Variants in DEPTOR observed in about 807,000 individuals in gnomAD.
DEPTOR encodes the protein DEP domain-containing mTOR-interacting protein.
Under a neutral mutation model 41.6 loss-of-function variants are expected in DEPTOR, and 41 were observed. That is an observed-to-expected ratio of 0.98 (90% CI 0.77 to 1.28). The LOEUF (loss-of-function observed/expected upper bound fraction) is 1.28, where lower values mean the gene tolerates loss of function less well. DEPTOR is among the 50% of genes most tolerant of loss of function. The pLI, the probability that DEPTOR is intolerant of heterozygous loss-of-function variation, is 0.00. For missense variants in DEPTOR, 514 were observed against 527.9 expected, an observed-to-expected ratio of 0.97 and a Z score of 0.26; for synonymous variants, 195 against 192.3, an observed-to-expected ratio of 1.01 and a Z score of -0.12.
chr8:119,962,572 G>A (rs1005767244), intron 3 of DEPTOR, among the ~76,000 whole-genome samples: 2 of 152,140 alleles, frequency 1.3e-5, no homozygotes, highest in Non-Finnish European at 2.9e-5. Context: ...ATACTTTATA[G>A]GCTATGTGAA....
intron 1 of DEPTOR, 127 bp from the exon 2 acceptor site, chr8:119,928,273 G>C (rs548616077): frequency 5.1e-6 from 5 of 987,890 alleles, no homozygotes; most frequent in Non-Finnish European, 7.3e-6. Flanking sequence ...ATCACCAAGC[G>C]AGCTAAAGAT....
At chr8:119,944,013 A>AT (rs912574256) in intron 3 of DEPTOR, among the ~76,000 whole-genome samples, 9 of 151,034 alleles carry the variant, frequency 6.0e-5, no homozygotes, top group Admixed American at 1.3e-4. Flanking sequence ...AATTTTTTGT[A>AT]TTTTTTTTAG....
At chr8:119,945,792 A>G (rs1339958921) in intron 3 of DEPTOR, among the ~76,000 whole-genome samples, 1 of 152,180 alleles carries the variant, frequency 6.6e-6, no homozygotes, top group Non-Finnish European at 1.5e-5. Context: ...TTCTAGAGCC[A>G]ATGGATGAAG....
intron 3 of DEPTOR, among the ~76,000 whole-genome samples, chr8:119,944,041 C>T (rs1432434067): frequency 6.6e-6 from 1 of 152,032 alleles, no homozygotes; most frequent in Non-Finnish European, 1.5e-5. Flanking sequence ...AGGGTTTCAC[C>T]GTGTTAGCCA....
chr8:119,894,358 A>C (rs1156637554), intron 1 of DEPTOR, among the ~76,000 whole-genome samples: 1 of 149,036 alleles, frequency 6.7e-6, no homozygotes, highest in African/African-American at 2.5e-5. Context: ...GGTGTGAACC[A>C]CTGCACCTGG....
intron 1 of DEPTOR, among the ~76,000 whole-genome samples, chr8:119,896,790 G>A (rs1827526171): frequency 6.6e-6 from 1 of 152,204 alleles, no homozygotes; most frequent in Non-Finnish European, 1.5e-5. Context: ...GAACCACCGT[G>A]CCCAGCCTTG....
rs1025796491 is a variant in DEPTOR, at chr8:119,936,244, G to A, written c.425+6306G>A. 1.5e-4 allele frequency among the ~76,000 whole-genome samples: 23 copies of A among 152,090 alleles called. 1 individual carries two copies. The highest frequency in any genetic ancestry group is 5.3e-4 in the African/African-American group (22 of 41,400). ...ATCCAAAGAGGCAAAGCCCTTCTGCGTGTTTTATCTTATCAGAAGTTTCTC... is the reference window on the plus strand; with the variant it reads ...ATCCAAAGAGGCAAAGCCCTTCTGCATGTTTTATCTTATCAGAAGTTTCTC... On this transcript the variant is annotated intron_variant, in intron 3 of 8. Coordinates refer to ENST00000286234, the MANE Select transcript of DEPTOR (RefSeq NM_022783.4).
At chr8:119,894,557 C>T (rs542064053) in intron 1 of DEPTOR, among the ~76,000 whole-genome samples, 14 of 151,982 alleles carry the variant, frequency 9.2e-5, no homozygotes, top group Non-Finnish European at 1.9e-4. Context: ...CCACTATGCC[C>T]GGCTAATTTT....
chr8:119,960,572 A>G (rs952050106), intron 3 of DEPTOR, among the ~76,000 whole-genome samples: 1 of 152,208 alleles, frequency 6.6e-6, no homozygotes, highest in Non-Finnish European at 1.5e-5. Context: ...GCCCCAATGT[A>G]GGTACAATGA....
chr8:119,954,293 GCCACTACA>G, intron 3 of DEPTOR, among the ~76,000 whole-genome samples: 2 of 151,636 alleles, frequency 1.3e-5, no homozygotes. Context: ...ACAGGCATGT[GCCACTACA>G]CCCAACTAAT....
rs1828863557 is a variant in DEPTOR, at chr8:119,988,946, CCTTTTTTTTTT to C, written c.605-12567_605-12557del. The stretch of plus-strand genomic sequence containing the variant: ...AATGTTTTCTGTGCTATAGCCATAT[CCTTTTTTTTTT>C]CTTTTTTTTTTTTTTTTTTTTTTAA... On this transcript the variant is annotated intron_variant, in intron 4 of 8. Transcript: ENST00000286234. 2.2e-5 allele frequency among the ~76,000 whole-genome samples: 3 copies of C among 134,052 alleles called. No individual in the cohort carries two copies. In the Admixed American group the frequency reaches 2.5e-4, roughly 11 times the overall value. 87.9% of individuals were successfully genotyped at this position (134,052 alleles called of 152,430 possible). A position where few individuals can be genotyped will look rare whatever the true frequency, so the allele number is the denominator to read the frequency against.
At chr8:119,971,258 G>C (rs1828631254) in intron 4 of DEPTOR, among the ~76,000 whole-genome samples, 1 of 151,044 alleles carries the variant, frequency 6.6e-6, no homozygotes, top group South Asian at 2.1e-4. Context: ...AAGAAGGTTG[G>C]CTGAAAAATC....
intron 8 of DEPTOR, among the ~76,000 whole-genome samples, chr8:120,025,169 G>A: frequency 6.6e-6 from 1 of 152,178 alleles, no homozygotes; most frequent in East Asian, 1.9e-4. Flanking sequence ...TAAATGTAAT[G>A]TTTAATTAAA....
intron 3 of DEPTOR, 32 bp downstream of exon 3, chr8:119,929,970 T>C (rs969576733): frequency 6.3e-7 from 1 of 1,593,976 alleles, no homozygotes; most frequent in African/African-American, 1.3e-5. Context: ...CCCTGTAATC[T>C]TGACTTATAG....
At chr8:120,028,427 A>G (rs1278467396) in intron 8 of DEPTOR, among the ~76,000 whole-genome samples, 1 of 150,082 alleles carries the variant, frequency 6.7e-6, no homozygotes, top group African/African-American at 2.5e-5. Flanking sequence ...CTTGGAGCAA[A>G]CCAAGCAAAG....
At chr8:119,933,745 C>T (rs183635548) in intron 3 of DEPTOR, among the ~76,000 whole-genome samples, 163 of 151,888 alleles carry the variant, frequency 1.1e-3, no homozygotes, top group African/African-American at 3.5e-3. Flanking sequence ...AGGGGGTGGG[C>T]GTATTGTCAG....
At chr8:119,887,268 G>T (rs1827380054) in intron 1 of DEPTOR, among the ~76,000 whole-genome samples, 1 of 143,452 alleles carries the variant, frequency 7.0e-6, no homozygotes, top group South Asian at 2.3e-4. Context: ...CTGCCTCCAG[G>T]GTTCAAGTGA....
At chr8:120,025,713 A>G (rs1010476453) in intron 8 of DEPTOR, among the ~76,000 whole-genome samples, 3 of 152,036 alleles carry the variant, frequency 2.0e-5, no homozygotes, top group Non-Finnish European at 2.9e-5. Flanking sequence ...ATTTCCCAAA[A>G]TCCAAACCAC....
intron 1 of DEPTOR, among the ~76,000 whole-genome samples, chr8:119,925,197 C>T (rs971845639): frequency 6.6e-6 from 1 of 152,140 alleles, no homozygotes; most frequent in East Asian, 1.9e-4. Context: ...TCAGACCAGC[C>T]TGGCCAACAT....
Sources: allele counts gnomAD v4.1 joint callset (sites outside exome capture counted in the v4.1 genomes callset), GRCh38; gene constraint gnomAD v4.1.1; transcripts MANE v1.5; gene names NCBI Gene and HGNC (gene_info 2026-07-23, HGNC 2026-07-21).